The following LRRC4C variants were observed in gnomAD, a reference collection of about 807,000 sequenced individuals.
LRRC4C encodes the protein leucine-rich repeat-containing protein 4C.
A neutral mutation model predicts 33.6 loss-of-function variants in LRRC4C; 5 were observed. The observed-to-expected ratio is 0.15, with a 90% confidence interval of 0.08 to 0.31. The LOEUF is 0.31. Among genes scored for constraint, LRRC4C ranks in the 10% least tolerant of loss-of-function variants. The pLI is 1.00. For missense variants in LRRC4C, 560 were observed against 796.7 expected (o/e 0.70, Z 3.58); for synonymous variants, 329 against 302.0 (o/e 1.09, Z -0.93).
At chr11:40,421,197 T>G (rs1950511077) in intron 3 of LRRC4C, among the ~76,000 whole-genome samples, 2 of 152,216 alleles carry the variant, frequency 1.3e-5, no homozygotes, top group South Asian at 4.1e-4. Flanking sequence ...AATAAGACAG[T>G]TGAAATCTTA....
At chr11:40,125,014 A>C (rs941912715) in intron 6 of LRRC4C, among the ~76,000 whole-genome samples, 2 of 152,008 alleles carry the variant, frequency 1.3e-5, no homozygotes, top group African/African-American at 4.8e-5. Flanking sequence ...ACCATTTAAA[A>C]ATTCACAAAC....
Position 40,191,621 on chromosome 11 carries a change from T to C in LRRC4C, c.-96+49898A>G, listed in dbSNP as rs191289728. The stretch of plus-strand genomic sequence containing the variant: ...ATTAAGGATGAAACCCATTTGTCAT[T>C]CAGAGTTTACATATTCTCTAAAGTT... On this transcript the variant is annotated intron_variant, in intron 5 of 6. Coordinates refer to ENST00000528697, the MANE Select transcript of LRRC4C (RefSeq NM_001258419.2). 3.1e-3 allele frequency among the ~76,000 whole-genome samples: 476 copies of C among 152,340 alleles called. 2 individuals are homozygous for C. Among genetic ancestry groups the C allele is most frequent in the African/African-American group, 0.011 (446 of 41,586 alleles).
chr11:40,389,701 G>A (rs1439885421), intron 3 of LRRC4C, among the ~76,000 whole-genome samples: 1 of 152,106 alleles, frequency 6.6e-6, no homozygotes, highest in Non-Finnish European at 1.5e-5. Flanking sequence ...AAGGACTACA[G>A]TGAAGGATTA....
At chr11:40,518,186 G>T (rs1333805754) in intron 3 of LRRC4C, among the ~76,000 whole-genome samples, 1 of 152,138 alleles carries the variant, frequency 6.6e-6, no homozygotes, top group Non-Finnish European at 1.5e-5. Context: ...ATGCCATTCA[G>T]GACATAGGCA....
chr11:41,310,903 A>G (rs1950626002), intron 1 of LRRC4C, among the ~76,000 whole-genome samples: 2 of 152,232 alleles, frequency 1.3e-5, no homozygotes, highest in East Asian at 3.8e-4. Context: ...CACTGGTTCT[A>G]ATATATTTTT....
intron 5 of LRRC4C, among the ~76,000 whole-genome samples, chr11:40,192,128 T>C (rs1297922265): frequency 6.6e-6 from 1 of 152,094 alleles, no homozygotes; most frequent in Non-Finnish European, 1.5e-5. Flanking sequence ...TTGGCTATAT[T>C]GTATTTCAAG....
intron 2 of LRRC4C, among the ~76,000 whole-genome samples, chr11:40,920,761 T>C (rs1272271847): frequency 6.6e-6 from 1 of 152,126 alleles, no homozygotes; most frequent in African/African-American, 2.4e-5. Context: ...AATATGACCA[T>C]GTCCTAAATT....
intron 4 of LRRC4C, among the ~76,000 whole-genome samples, chr11:40,268,060 C>T (rs752563784): frequency 6.6e-6 from 1 of 152,116 alleles, no homozygotes; most frequent in South Asian, 2.1e-4. Flanking sequence ...GCGTACAGCT[C>T]CCGAGTTAGG....
At chr11:41,026,684 A>C (rs1856390307) in intron 1 of LRRC4C, among the ~76,000 whole-genome samples, 1 of 151,528 alleles carries the variant, frequency 6.6e-6, no homozygotes, top group South Asian at 2.1e-4. Flanking sequence ...CCCAACCTTC[A>C]GCAACTACCA....
At chr11:40,179,436 A>C (rs1860797077) in intron 5 of LRRC4C, among the ~76,000 whole-genome samples, 1 of 152,322 alleles carries the variant, frequency 6.6e-6, no homozygotes, top group African/African-American at 2.4e-5. Context: ...AGTAAAAATA[A>C]TAATGTCCAC....
At chr11:40,746,740 C>T (rs1052128762) in intron 2 of LRRC4C, among the ~76,000 whole-genome samples, 1 of 152,140 alleles carries the variant, frequency 6.6e-6, no homozygotes. Context: ...CCATGGTCCC[C>T]TGAGCACTCC....
chr11:40,963,710 A>G (rs894818549), intron 1 of LRRC4C, among the ~76,000 whole-genome samples: 1 of 151,816 alleles, frequency 6.6e-6, no homozygotes, highest in Non-Finnish European at 1.5e-5. Flanking sequence ...GGCAGGAATC[A>G]ATCAAATCAA....
chr11:40,623,888 C>T (rs761717264), intron 3 of LRRC4C, among the ~76,000 whole-genome samples: 6 of 151,998 alleles, frequency 3.9e-5, no homozygotes, highest in Non-Finnish European at 5.9e-5. Flanking sequence ...AAACCCTCTA[C>T]ATTATAAAAA....
chr11:40,905,757 G>A (rs1451158216), intron 2 of LRRC4C, among the ~76,000 whole-genome samples: 1 of 152,156 alleles, frequency 6.6e-6, no homozygotes, highest in Non-Finnish European at 1.5e-5. Context: ...AGAGCTGTCT[G>A]CACATTTTCA....
intron 1 of LRRC4C, among the ~76,000 whole-genome samples, chr11:41,207,459 A>C (rs1182813234): frequency 6.6e-6 from 1 of 152,186 alleles, no homozygotes; most frequent in African/African-American, 2.4e-5. Context: ...GTGTTTATGG[A>C]GATAATGGCT....
At chr11:40,670,878 C>CG (rs1944062632) in intron 2 of LRRC4C, among the ~76,000 whole-genome samples, 1 of 152,196 alleles carries the variant, frequency 6.6e-6, no homozygotes, top group Non-Finnish European at 1.5e-5. Flanking sequence ...ATTCTCCTGC[C>CG]TCAGCCTCCC....
At chr11:40,631,002 G>A (rs1445227848) in intron 3 of LRRC4C, among the ~76,000 whole-genome samples, 1 of 152,110 alleles carries the variant, frequency 6.6e-6, no homozygotes, top group African/African-American at 2.4e-5. Context: ...GTGAAATAAT[G>A]ACATAAAAAA....
intron 2 of LRRC4C, among the ~76,000 whole-genome samples, chr11:40,704,449 T>C (rs947921628): frequency 2.0e-5 from 3 of 152,174 alleles, no homozygotes. Flanking sequence ...TTTAGTCATT[T>C]AAATAATCAC....
rs994652968 is a variant in LRRC4C, at chr11:40,749,988, G to C, written c.-406-101710C>G. On this transcript the variant is annotated intron_variant, in intron 2 of 6. Transcript: ENST00000528697. ...TAATTAGTAACGACATTGAATCAGT[G>C]AGAAAAAGTATTACATCAAAGAAAA... 4.6e-5 allele frequency among the ~76,000 whole-genome samples: 7 copies of C among 152,014 alleles called. No individual in the cohort carries two copies. The South Asian group carries it at 1.5e-3, about 32-fold the overall frequency.
Sources: allele counts gnomAD v4.1 joint callset (sites outside exome capture counted in the v4.1 genomes callset), GRCh38; gene constraint gnomAD v4.1.1; transcripts MANE v1.5; gene names NCBI Gene and HGNC (gene_info 2026-07-23, HGNC 2026-07-21).